LRP1B: variants seen among roughly 807,000 people sequenced by gnomAD.
The protein encoded by LRP1B is low-density lipoprotein receptor-related protein 1B.
A neutral mutation model predicts 556.6 loss-of-function variants in LRP1B; 217 were observed. The ratio of observed to expected loss-of-function variants is 0.39; its 90% CI spans 0.35 to 0.44. LRP1B has a LOEUF of 0.44. LRP1B is among the 20% of genes least tolerant of loss of function. LRP1B has a pLI of 1.00. For missense variants in LRP1B, 5,053 were observed against 5,620.8 expected, an observed-to-expected ratio of 0.90 and a Z score of 3.23; for synonymous variants, 2,047 against 1,865.8, an observed-to-expected ratio of 1.10 and a Z score of -2.50.
At chr2:142,048,799 T>G (rs773681884) in intron 1 of LRP1B, among the ~76,000 whole-genome samples, 1 of 152,074 alleles carries the variant, frequency 6.6e-6, no homozygotes, top group African/African-American at 2.4e-5. Flanking sequence ...CAATGAAAAT[T>G]GCATACTTAA....
In LRP1B at chr2:140,783,502, G is replaced by T. The variant is rs142777210; in HGVS notation, c.5360-7264C>A. On this transcript the variant is annotated intron_variant, in intron 32 of 90. Transcript: ENST00000389484. ...AAGAAAACAATAAAAAATTCATAAG[G>T]CTACACAGATGAAGAATAGGAGAGA... 8.0e-4 allele frequency among the ~76,000 whole-genome samples: 109 copies of T among 135,720 alleles called. 2 individuals carry two copies. The East Asian group carries it at 0.023, about 28-fold the overall frequency. 89.0% of individuals were successfully genotyped at this position (135,720 alleles called of 152,430 possible). A position where few individuals can be genotyped will look rare whatever the true frequency, so the allele number is the denominator to read the frequency against.
chr2:141,077,879 G>A (rs1387544794), intron 7 of LRP1B, among the ~76,000 whole-genome samples: 1 of 151,898 alleles, frequency 6.6e-6, no homozygotes, highest in Admixed American at 6.5e-5. Context: ...AATTCTTTTG[G>A]AGACCACTTC....
At chr2:140,398,638 T>C (rs892421342) in intron 66 of LRP1B, among the ~76,000 whole-genome samples, 2 of 152,122 alleles carry the variant, frequency 1.3e-5, no homozygotes, top group Non-Finnish European at 2.9e-5. Context: ...GCAATCTTCC[T>C]GTCTCAGTCT....
At chr2:140,321,298 T>C (rs1461037342) in intron 82 of LRP1B, among the ~76,000 whole-genome samples, 1 of 152,060 alleles carries the variant, frequency 6.6e-6, no homozygotes, top group African/African-American at 2.4e-5. Flanking sequence ...TTTTTATTGA[T>C]TATTCCAGCT....
At chr2:142,043,728 G>T (rs1704143735) in intron 1 of LRP1B, among the ~76,000 whole-genome samples, 1 of 151,646 alleles carries the variant, frequency 6.6e-6, no homozygotes, top group Non-Finnish European at 1.5e-5. Context: ...CACTAGCTGA[G>T]ATAGTTTTAT....
intron 66 of LRP1B, among the ~76,000 whole-genome samples, chr2:140,417,960 T>C (rs1271518260): frequency 6.6e-6 from 1 of 152,106 alleles, no homozygotes; most frequent in East Asian, 1.9e-4. Flanking sequence ...TTTCTAAAGG[T>C]CGATCACTAG....
intron 7 of LRP1B, among the ~76,000 whole-genome samples, chr2:141,148,079 G>GAATGTATCC: frequency 6.6e-6 from 1 of 152,290 alleles, no homozygotes; most frequent in Admixed American, 6.5e-5. Flanking sequence ...GAGTTTCTTA[G>GAATGTATCC]AATGTATCCC....
In LRP1B at chr2:140,967,922, G is replaced by A. The variant is rs1351486699; in HGVS notation, c.2887+14238C>T. Among the ~76,000 whole-genome samples, 14 of 150,150 alleles carry A rather than the reference G, an allele frequency of 9.3e-5. No individual in the cohort carries two copies. The East Asian group carries it at 2.5e-3, about 27-fold the overall frequency. On this transcript the variant is annotated intron_variant, in intron 18 of 90. Coordinates refer to ENST00000389484, the MANE Select transcript of LRP1B (RefSeq NM_018557.3). ...GATCATGGTGGATAAGCTTTTTGAT[G>A]TGCTGCTGGATTCAGTTTGCCAGTA...
chr2:141,092,928 C>T (rs558171018), intron 7 of LRP1B, among the ~76,000 whole-genome samples: 2 of 152,066 alleles, frequency 1.3e-5, no homozygotes, highest in South Asian at 2.1e-4. Context: ...TAGGAGAGAA[C>T]TGGATAGGAG....
At chr2:140,539,612 A>T (rs1680059352) in intron 45 of LRP1B, among the ~76,000 whole-genome samples, 1 of 152,158 alleles carries the variant, frequency 6.6e-6, no homozygotes, top group Non-Finnish European at 1.5e-5. Flanking sequence ...TGCCATTTTG[A>T]CTAAAGGCAT....
chr2:142,039,555 C>T (rs144004393), intron 1 of LRP1B, among the ~76,000 whole-genome samples: 90 of 151,524 alleles, frequency 5.9e-4, no homozygotes, highest in Non-Finnish European at 1.1e-3. Flanking sequence ...AAATACAGCC[C>T]CTACCCAAAC....
intron 2 of LRP1B, among the ~76,000 whole-genome samples, chr2:141,618,921 A>G (rs1040738396): frequency 2.6e-5 from 4 of 152,320 alleles, no homozygotes; most frequent in South Asian, 2.1e-4. Flanking sequence ...AGGAAAATAC[A>G]TTATATATTG....
chr2:141,918,712 T>A (rs1700103864), intron 1 of LRP1B, among the ~76,000 whole-genome samples: 1 of 152,166 alleles, frequency 6.6e-6, no homozygotes. Flanking sequence ...GGGAAAGACA[T>A]GTATTAGGAA....
chr2:141,127,553 G>A (rs1165009225), intron 7 of LRP1B, among the ~76,000 whole-genome samples: 1 of 152,140 alleles, frequency 6.6e-6, no homozygotes, highest in Admixed American at 6.5e-5. Flanking sequence ...GGAATACTAT[G>A]CAGCCATAAA....
At chr2:140,619,411 A>G (rs1260805508) in intron 41 of LRP1B, among the ~76,000 whole-genome samples, 1 of 152,142 alleles carries the variant, frequency 6.6e-6, no homozygotes, top group Non-Finnish European at 1.5e-5. Context: ...ATTTTGCTAG[A>G]TGGAAATTAA....
At chr2:141,757,370 C>G (rs1694360755) in intron 2 of LRP1B, among the ~76,000 whole-genome samples, 2 of 152,130 alleles carry the variant, frequency 1.3e-5, no homozygotes, top group Admixed American at 1.3e-4. Context: ...GATGCACAAT[C>G]TCAGGCCTCA....
chr2:141,796,622 C>T (rs1319068538), intron 2 of LRP1B, among the ~76,000 whole-genome samples: 4 of 131,876 alleles, frequency 3.0e-5, no homozygotes, highest in Admixed American at 1.7e-4. Flanking sequence ...TGAAAAGATT[C>T]CAGTAGGAAT....
At chr2:141,893,941 TTC>T (rs1040359539) in intron 1 of LRP1B, among the ~76,000 whole-genome samples, 4 of 152,014 alleles carry the variant, frequency 2.6e-5, no homozygotes, top group Non-Finnish European at 5.9e-5. Flanking sequence ...TTTCTTTTCT[TTC>T]TCTCTCTTTC....
chr2:141,501,517 TC>T (rs1683710082), intron 2 of LRP1B, among the ~76,000 whole-genome samples: 1 of 152,140 alleles, frequency 6.6e-6, no homozygotes, highest in African/African-American at 2.4e-5. Context: ...TATAATTAAG[TC>T]ATTTTAGACT....
Sources: gnomAD v4.1 joint callset for allele counts (sites outside exome capture counted in the v4.1 genomes callset) on GRCh38, gnomAD v4.1.1 for gene constraint, MANE v1.5 for transcripts, NCBI Gene and HGNC (gene_info 2026-07-23, HGNC 2026-07-21) for gene names.